CDK13: variants seen among roughly 807,000 people sequenced by gnomAD.
CDK13 encodes the protein cyclin dependent kinase 13, also known as cyclin-dependent kinase 13.
In CDK13, 40 loss-of-function variants were observed where a neutral mutation model predicts 137.6. The observed-to-expected ratio is 0.29, with a 90% CI of 0.23 to 0.38. CDK13 has a LOEUF of 0.38. Among genes scored for constraint, CDK13 ranks in the 10% least tolerant of loss-of-function variants. The probability of loss-of-function intolerance (pLI) is 1.00; values close to 1 mark genes in which losing one functional copy is unlikely to be tolerated. For synonymous variants in CDK13, 869 were observed against 760.1 expected (o/e 1.14, Z -2.36); for missense variants, 1,704 against 1,951.8 (o/e 0.87, Z 2.39).
rs70996875 is a variant in CDK13 at position 40,036,173 on chromosome 7, TACAC to T, written c.2354-9641_2354-9638del. ...CCTGTCTCAAAATAAATAAATAAAT[TACAC>T]ACACACACACACACACACACATATA... is the stretch of plus-strand genomic sequence containing the variant. On this transcript the variant is annotated intron_variant, in intron 5 of 13. Transcript: ENST00000181839. 8.8e-3 allele frequency among the ~76,000 whole-genome samples: 1,310 copies of T among 149,072 alleles called. 16 individuals carry two copies. Among genetic ancestry groups the T allele is most frequent in the African/African-American group, 0.029 (1,202 of 40,756 alleles).
At position 40,083,862 on chromosome 7, in the gene CDK13, CAATAT is replaced by C. The variant is rs200723569; in HGVS notation, c.3030-4253_3030-4249del. 1.4e-3 allele frequency among the ~76,000 whole-genome samples: 217 copies of C among 152,084 alleles called. 7 individuals carry two copies. In the East Asian group the frequency reaches 0.034, roughly 24 times the overall value. ...TATTTAAATAAAAACATTTTATAAA[CAATAT>C]AATATAATATCTCTCACTATTTTGC... On this transcript the variant is annotated intron_variant, in intron 11 of 13. Coordinates refer to ENST00000181839, the MANE Select transcript of CDK13 (RefSeq NM_003718.5).
intron 1 of CDK13, among the ~76,000 whole-genome samples, chr7:39,957,588 C>T (rs1391902499): frequency 6.6e-6 from 1 of 152,060 alleles, no homozygotes; most frequent in African/African-American, 2.4e-5. Context: ...GTAATTGTTT[C>T]GATTTATAAG....
intron 5 of CDK13, among the ~76,000 whole-genome samples, chr7:40,039,226 T>C (rs1188802738): frequency 6.6e-6 from 1 of 152,028 alleles, no homozygotes; most frequent in Non-Finnish European, 1.5e-5. Flanking sequence ...GTTGATCTTT[T>C]TTCCCCCTAA....
Position 39,976,323 on chromosome 7 carries a change from T to TCTCTCTCTCTCTCTCTCTCACACA in CDK13, c.1212-11275_1212-11274insTCTCTCTCTCTCTCTCTCACACAC. ...CTCTCTCTCTCTCTCTCTCTCTCTC[T>TCTCTCTCTCTCTCTCTCTCACACA]CACACACACACACACACACACACAC... On this transcript the variant is annotated intron_variant, in intron 1 of 13. Coordinates refer to ENST00000181839, the MANE Select transcript of CDK13 (RefSeq NM_003718.5). Among the ~76,000 whole-genome samples, 81 of 39,556 alleles carry TCTCTCTCTCTCTCTCTCTCACACA rather than the reference T, an allele frequency of 2.0e-3. 2 individuals are homozygous for TCTCTCTCTCTCTCTCTCTCACACA. Among genetic ancestry groups the TCTCTCTCTCTCTCTCTCTCACACA allele is most frequent in the Admixed American group, 6.0e-3 (19 of 3,142 alleles). 26.0% of individuals were successfully genotyped at this position (39,556 alleles called of 152,430 possible).
chr7:39,996,978 AAAAAAAAAAAG>A (rs1784575591), intron 2 of CDK13, among the ~76,000 whole-genome samples: 1 of 128,870 alleles, frequency 7.8e-6, no homozygotes, highest in Non-Finnish European at 1.7e-5. Context: ...AAAAAAAAAG[AAAAAAAAAAAG>A]AAAAATGCTT....
chr7:39,951,669 C>T lies in CDK13; in HGVS notation c.1028C>T (p.Pro343Leu), dbSNP rs1391813384. The T allele has an allele frequency of 5.4e-6, 8 of 1,472,138 alleles. No individual in the cohort carries two copies. Among genetic ancestry groups the T allele is most frequent in the Non-Finnish European group, 7.2e-6 (8 of 1,117,086 alleles). The allele number at this position is 1,472,138 out of a possible 1,614,324, so 91.2% of individuals were successfully genotyped here. The change falls in exon 1 of 14, where the codon CCG (proline) becomes CTG (leucine). Residue 343 changes from proline (P) to leucine (L), a missense_variant. Pro to Leu is a moderately conservative substitution (Grantham distance 98). Transcript: ENST00000181839. ...QSLRSRKSPS[P>L]AGGGSSPYSR... ...CTGAGGAGCCGCAAGTCCCCCAGCC[C>T]GGCAGGAGGTGGCAGCAGCCCCTAT... is the stretch of plus-strand genomic sequence containing the variant.
intron 12 of CDK13, among the ~76,000 whole-genome samples, chr7:40,092,025 T>A (rs1473145383): frequency 6.6e-6 from 1 of 152,152 alleles, no homozygotes; most frequent in East Asian, 1.9e-4. Context: ...TGAATCCTTA[T>A]TACTGGTGAT....
chr7:39,990,862 A>G (rs907941754), intron 2 of CDK13, among the ~76,000 whole-genome samples: 1 of 152,280 alleles, frequency 6.6e-6, no homozygotes, highest in Admixed American at 6.5e-5. Flanking sequence ...AATTAGTCAT[A>G]GTATAAATCA....
At chr7:39,961,967 C>CA (rs1288945118) in intron 1 of CDK13, among the ~76,000 whole-genome samples, 2 of 152,168 alleles carry the variant, frequency 1.3e-5, no homozygotes, top group Non-Finnish European at 2.9e-5. Context: ...GACATGAACT[C>CA]ATCATTTTTT....
At position 40,096,458 on chromosome 7, in the gene CDK13, T is replaced by C. The variant is rs996904561; in HGVS notation, c.*1478T>C. 1 of 152,108 alleles carries C rather than the reference T, an allele frequency of 6.6e-6. No homozygotes were observed. Among genetic ancestry groups the C allele is most frequent in the African/African-American group, 2.4e-5 (1 of 41,446 alleles). 9.4% of individuals were successfully genotyped at this position (152,108 alleles called of 1,614,324 possible). On this transcript the variant is annotated 3_prime_UTR_variant, in exon 14 of 14. Transcript: ENST00000181839. The stretch of plus-strand genomic sequence containing the variant: ...ACACATACACACACAATTATACTAA[T>C]TCTAGAAAGGAACCAAAGGTAAATA...
chr7:39,987,629 G>C lies in CDK13; in HGVS notation c.1242G>C (p.Pro414=), dbSNP rs202080779. ...RRSGKSRSRS[P]YSSRHSRSRS... ...CTGGAAAATCCCGAAGCAGAAGCCC[G>C]TATTCATCTAGGCATTCAAGATCTC... Residue 414 remains proline (P), a synonymous_variant, in exon 2 of 14, where the codon CCG becomes CCC. Transcript: ENST00000181839. 1.9e-6 allele frequency: 3 copies of C among 1,604,776 alleles called. No individual in the cohort carries two copies. Among genetic ancestry groups the C allele is most frequent in the East Asian group, 2.2e-5 (1 of 44,830 alleles).
chr7:40,078,724 C>T lies in CDK13; in HGVS notation c.2902C>T (p.Pro968Ser). 6.7e-7 allele frequency: 1 copy of T among 1,492,820 alleles called. No homozygotes were observed. Among genetic ancestry groups the T allele is most frequent in the South Asian group, 1.5e-5 (1 of 68,110 alleles). The allele number at this position is 1,492,820 out of a possible 1,614,324, so 92.5% of individuals were successfully genotyped here. ...RKLREEFVFI[P>S]AAALDLFDYM... The stretch of plus-strand genomic sequence containing the variant: ...TTTGTAATCCTCTCATGCTAGTATT[C>T]CTGCAGCTGCGCTAGACTTATTTGA... The change falls in exon 11 of 14, where the codon CCT becomes TCT. Residue 968 changes from proline to serine, a missense_variant. By Grantham distance (74) the Pro-to-Ser change is moderately conservative (BLOSUM62 -1). Transcript: ENST00000181839.
intron 2 of CDK13, among the ~76,000 whole-genome samples, chr7:39,996,223 C>G (rs13231977): frequency 0.27 from 40,661 of 152,018 alleles, 6,566 homozygotes; most frequent in Middle Eastern, 0.45. Flanking sequence ...ATTACAATTA[C>G]ATTATTTACA....
At chr7:40,074,969 T>C (rs1786512321) in intron 9 of CDK13, among the ~76,000 whole-genome samples, 1 of 151,846 alleles carries the variant, frequency 6.6e-6, no homozygotes, top group South Asian at 2.1e-4. Flanking sequence ...GTAAAGGCAG[T>C]AGTTGGTTCT....
intron 1 of CDK13, among the ~76,000 whole-genome samples, chr7:39,966,355 C>G (rs1319578210): frequency 1.3e-5 from 2 of 152,116 alleles, no homozygotes; most frequent in Non-Finnish European, 2.9e-5. Flanking sequence ...CTTCTTGCTT[C>G]ATTTCATCTT....
At chr7:39,992,176 G>C (rs1287486790) in intron 2 of CDK13, among the ~76,000 whole-genome samples, 1 of 108,438 alleles carries the variant, frequency 9.2e-6, no homozygotes, top group Non-Finnish European at 2.4e-5. Flanking sequence ...GTGTGTGTGT[G>C]TGTGTGTGTG....
At chr7:40,036,172 TTACAC>T (rs1380477111) in intron 5 of CDK13, among the ~76,000 whole-genome samples, 102 of 36,668 alleles carry the variant, frequency 2.8e-3, no homozygotes, top group African/African-American at 0.019. Context: ...AATAAATAAA[TTACAC>T]ACACACACAC....
intron 5 of CDK13, among the ~76,000 whole-genome samples, chr7:40,018,273 G>A (rs1785044627): frequency 6.6e-6 from 1 of 151,722 alleles, no homozygotes; most frequent in African/African-American, 2.4e-5. Context: ...GAGTAATTAG[G>A]GATGTAGTAT....
intron 7 of CDK13, among the ~76,000 whole-genome samples, chr7:40,053,591 AT>A (rs559920580): frequency 3.7e-4 from 55 of 149,996 alleles, no homozygotes; most frequent in Admixed American, 2.9e-3. Flanking sequence ...AGTTTGACAA[AT>A]TTTTTTTTTC....
Sources: gnomAD v4.1 joint callset for allele counts (sites outside exome capture counted in the v4.1 genomes callset) on GRCh38, gnomAD v4.1.1 for gene constraint, MANE v1.5 for transcripts, NCBI Gene and HGNC (gene_info 2026-07-23, HGNC 2026-07-21) for gene names.